Variants in ROBO2 observed in about 807,000 individuals in gnomAD.
ROBO2 encodes the protein roundabout homolog 2.
A neutral mutation model predicts 160.8 loss-of-function variants in ROBO2; 53 were observed. That is an observed-to-expected ratio of 0.33 (90% confidence interval 0.26 to 0.41). The LOEUF (loss-of-function observed/expected upper bound fraction) is 0.41. Ranked by LOEUF, ROBO2 falls within the 10% of genes least tolerant of loss-of-function variation. ROBO2 has a pLI of 1.00. For synonymous variants in ROBO2, 664 were observed against 611.7 expected, an observed-to-expected ratio of 1.09 and a Z score of -1.26; for missense variants, 1,577 against 1,722.4, an observed-to-expected ratio of 0.92 and a Z score of 1.49.
intron 2 of ROBO2, among the ~76,000 whole-genome samples, chr3:77,319,285 A>G (rs888182344): frequency 6.6e-6 from 1 of 152,206 alleles, no homozygotes; most frequent in Admixed American, 6.5e-5. Context: ...AGAATTAATC[A>G]TTCTTTTACA....
chr3:77,398,801 G>C (rs2075534101), intron 2 of ROBO2, among the ~76,000 whole-genome samples: 1 of 151,894 alleles, frequency 6.6e-6, no homozygotes, highest in Admixed American at 6.6e-5. Context: ...GTCCAGGCTG[G>C]TGTTGAACTC....
chr3:76,674,351 TC>T (rs1409956554), intron 2 of ROBO2, among the ~76,000 whole-genome samples: 1 of 151,948 alleles, frequency 6.6e-6, no homozygotes, highest in African/African-American at 2.4e-5. Flanking sequence ...CATGGCAGCA[TC>T]CCCCAGGTGG....
At chr3:76,807,687 C>T (rs2064840002) in intron 2 of ROBO2, among the ~76,000 whole-genome samples, 2 of 151,944 alleles carry the variant, frequency 1.3e-5, no homozygotes, top group South Asian at 4.1e-4. Flanking sequence ...CACTGTCAGT[C>T]CTCTTGTAAA....
At chr3:77,453,264 C>T (rs1040218639) in intron 2 of ROBO2, among the ~76,000 whole-genome samples, 1 of 152,096 alleles carries the variant, frequency 6.6e-6, no homozygotes, top group African/African-American at 2.4e-5. Context: ...ATTTATTGAG[C>T]AACTTTCTCA....
At chr3:77,469,953 C>T (rs1421504863) in intron 2 of ROBO2, among the ~76,000 whole-genome samples, 1 of 152,114 alleles carries the variant, frequency 6.6e-6, no homozygotes, top group Non-Finnish European at 1.5e-5. Context: ...TAAGGAAAGA[C>T]TTCAGATGAG....
At chr3:76,603,652 C>T (rs533473122) in intron 2 of ROBO2, among the ~76,000 whole-genome samples, 37 of 151,592 alleles carry the variant, frequency 2.4e-4, no homozygotes, top group Non-Finnish European at 4.9e-4. Context: ...CATATACATG[C>T]TCTTGTTCTG....
At chr3:75,986,073 G>T (rs1344465520) in intron 2 of ROBO2, among the ~76,000 whole-genome samples, 1 of 151,574 alleles carries the variant, frequency 6.6e-6, no homozygotes, top group South Asian at 2.1e-4. Context: ...TGGGGTGCTG[G>T]ATTATATGTA....
chr3:76,407,258 G>A (rs891189835), intron 2 of ROBO2, among the ~76,000 whole-genome samples: 1 of 151,750 alleles, frequency 6.6e-6, no homozygotes, highest in Admixed American at 6.6e-5. Flanking sequence ...TCTTCCATTT[G>A]CTCACTTACA....
intron 2 of ROBO2, among the ~76,000 whole-genome samples, chr3:77,230,023 A>T (rs2086971049): frequency 6.6e-6 from 1 of 152,162 alleles, no homozygotes. Flanking sequence ...AGCTTTATTA[A>T]GTGATTTTCT....
chr3:76,538,294 G>T (rs530576396), intron 2 of ROBO2, among the ~76,000 whole-genome samples: 54 of 152,158 alleles, frequency 3.5e-4, no homozygotes, highest in African/African-American at 1.2e-3. Context: ...CTATTTATTT[G>T]TCCCTCTCCC....
intron 17 of ROBO2, among the ~76,000 whole-genome samples, chr3:77,593,493 A>G (rs2153686504): frequency 6.6e-6 from 1 of 152,282 alleles, no homozygotes; most frequent in Non-Finnish European, 1.5e-5. Flanking sequence ...AGCAGATGCA[A>G]AGGTTATGTC....
At chr3:76,603,557 A>G (rs1384259306) in intron 2 of ROBO2, among the ~76,000 whole-genome samples, 13 of 151,818 alleles carry the variant, frequency 8.6e-5, no homozygotes, top group African/African-American at 3.1e-4. Flanking sequence ...GAATAGATGG[A>G]GTTTTTTTTA....
At chr3:76,714,885 G>A (rs1307257350) in intron 2 of ROBO2, among the ~76,000 whole-genome samples, 1 of 152,076 alleles carries the variant, frequency 6.6e-6, no homozygotes, top group Non-Finnish European at 1.5e-5. Flanking sequence ...TTTCTTGTTA[G>A]TGCCCACCAA....
chr3:76,230,839 G>A (rs371325726), intron 2 of ROBO2, among the ~76,000 whole-genome samples: 33 of 152,214 alleles, frequency 2.2e-4, no homozygotes, highest in East Asian at 1.2e-3. Flanking sequence ...GAGGTCATTA[G>A]GGTGAACCCC....
rs1560580969 is a variant in ROBO2, at chr3:76,798,296, GAAAGAAAGAAAGAAAGAAA to G, written c.110-299711_110-299693del. Among the ~76,000 whole-genome samples the G allele has an allele frequency of 5.4e-5, 8 of 149,350 alleles. 1 individual carries two copies. Among genetic ancestry groups the G allele is most frequent in the African/African-American group, 2.0e-4 (8 of 40,420 alleles). ...AGAAAGAAAGAAAGAAAGAAAGAAA[GAAAGAAAGAAAGAAAGAAA>G]AAAGAACGAATGAACTAAAGGCCAA... On this transcript the variant is annotated intron_variant, in intron 2 of 26. Transcript: ENST00000487694.
intron 2 of ROBO2, among the ~76,000 whole-genome samples, chr3:76,916,219 A>G (rs1387738436): frequency 6.6e-6 from 1 of 152,220 alleles, no homozygotes; most frequent in African/African-American, 2.4e-5. Flanking sequence ...TTGGACATGA[A>G]CTACATGAAT....
chr3:76,770,986 GGA>G (rs1415453368), intron 2 of ROBO2, among the ~76,000 whole-genome samples: 2 of 151,140 alleles, frequency 1.3e-5, no homozygotes, highest in Non-Finnish European at 3.0e-5. Context: ...CATTTGAGAG[GGA>G]AATATACTAA....
chr3:76,645,728 G>A (rs1212696876), intron 2 of ROBO2, among the ~76,000 whole-genome samples: 1 of 151,956 alleles, frequency 6.6e-6, no homozygotes, highest in Admixed American at 6.6e-5. Flanking sequence ...TAAATGAATG[G>A]GTAAAAGAAT....
chr3:76,578,655 GGTT>G, intron 2 of ROBO2, among the ~76,000 whole-genome samples: 1 of 152,132 alleles, frequency 6.6e-6, no homozygotes, highest in East Asian at 1.9e-4. Context: ...CTCCCTTGAT[GGTT>G]CTTTATTCCC....
Sources: allele counts gnomAD v4.1 joint callset (sites outside exome capture counted in the v4.1 genomes callset), GRCh38; gene constraint gnomAD v4.1.1; transcripts MANE v1.5; gene names NCBI Gene and HGNC (gene_info 2026-07-23, HGNC 2026-07-21).